PROS1: variants seen among roughly 807,000 people sequenced by gnomAD.
The protein encoded by PROS1 is vitamin K-dependent protein S.
Under a neutral mutation model 75.9 loss-of-function variants are expected in PROS1, and 29 were observed. The observed-to-expected ratio is 0.38, with a 90% confidence interval of 0.28 to 0.52. The LOEUF (loss-of-function observed/expected upper bound fraction) is 0.52, where lower values mean the gene tolerates loss of function less well. Ranked by LOEUF, PROS1 falls within the 20% of genes least tolerant of loss-of-function variation. The pLI is 0.83. For missense variants in PROS1, 680 were observed against 810.3 expected, an observed-to-expected ratio of 0.84 and a Z score of 1.95; for synonymous variants, 245 against 280.6, an observed-to-expected ratio of 0.87 and a Z score of 1.27.
chr3:93,937,599 C>A (rs1209710815), intron 1 of PROS1, among the ~76,000 whole-genome samples: 2 of 151,996 alleles, frequency 1.3e-5, no homozygotes, highest in African/African-American at 4.8e-5. Flanking sequence ...GATCTCCTGA[C>A]CTCGTGATCC....
At chr3:93,928,657 T>C (rs370870754) in intron 1 of PROS1, 2 of 778,228 alleles carry the variant, frequency 2.6e-6, no homozygotes, top group Non-Finnish European at 1.9e-6. Context: ...AAAAATAACA[T>C]AACAAAGTTC....
chr3:93,879,113 T>A (rs1266655598), intron 13 of PROS1, 50 bp downstream of exon 13: 4 of 1,545,372 alleles, frequency 2.6e-6, no homozygotes, highest in Non-Finnish European at 2.7e-6. Context: ...GTATACATTT[T>A]AAAAAATGAA....
At chr3:93,890,962 G>A (rs8178665) in intron 10 of PROS1, among the ~76,000 whole-genome samples, 386 of 152,078 alleles carry the variant, frequency 2.5e-3, no homozygotes, top group Non-Finnish European at 4.6e-3. Context: ...AAAACTACCT[G>A]GGCATGGTGT....
chr3:93,897,929 T>C (rs1305691764), intron 8 of PROS1, among the ~76,000 whole-genome samples: 4 of 152,096 alleles, frequency 2.6e-5, no homozygotes, highest in African/African-American at 9.7e-5. Flanking sequence ...CTCTGAATTA[T>C]GATATACTTA....
intron 12 of PROS1, among the ~76,000 whole-genome samples, chr3:93,883,352 C>T (rs940659838): frequency 6.6e-6 from 1 of 152,184 alleles, no homozygotes; most frequent in African/African-American, 2.4e-5. Context: ...GTAATCCCAG[C>T]ACTTAGAGAG....
chr3:93,893,603 G>A (rs765808462), intron 9 of PROS1, among the ~76,000 whole-genome samples: 24 of 151,976 alleles, frequency 1.6e-4, no homozygotes, highest in Admixed American at 1.2e-3. Flanking sequence ...CAATTTCATC[G>A]TTGGTTTATT....
chr3:93,900,036 A>G (rs2107160783), intron 7 of PROS1, among the ~76,000 whole-genome samples: 1 of 152,336 alleles, frequency 6.6e-6, no homozygotes, highest in East Asian at 1.9e-4. Flanking sequence ...CAATAGAAAA[A>G]TTAGTGTTGA....
At chr3:93,933,758 T>C (rs576657491) in intron 1 of PROS1, among the ~76,000 whole-genome samples, 53 of 152,194 alleles carry the variant, frequency 3.5e-4, no homozygotes, top group African/African-American at 1.0e-3. Flanking sequence ...ATGCAATCTC[T>C]ACTAAAAATA....
intron 2 of PROS1, 32 bp downstream of exon 2, chr3:93,927,218 G>A: frequency 3.1e-6 from 5 of 1,611,446 alleles, no homozygotes; most frequent in Non-Finnish European, 3.4e-6. Flanking sequence ...ATGTCTAGAT[G>A]TGTGAACTTG....
At chr3:93,950,397 C>T (rs1446007525) in intron 1 of PROS1, among the ~76,000 whole-genome samples, 1 of 152,334 alleles carries the variant, frequency 6.6e-6, no homozygotes, top group Admixed American at 6.5e-5. Flanking sequence ...AAGTGGGTCC[C>T]TGACCCCCAA....
chr3:93,946,661 TG>T (rs887324510), intron 1 of PROS1, among the ~76,000 whole-genome samples: 23 of 152,118 alleles, frequency 1.5e-4, no homozygotes, highest in African/African-American at 5.5e-4. Context: ...TAATTCAAGA[TG>T]GATTAAAGAC....
chr3:93,936,709 T>C (rs1709189689), intron 1 of PROS1, among the ~76,000 whole-genome samples: 1 of 152,204 alleles, frequency 6.6e-6, no homozygotes, highest in Admixed American at 6.5e-5. Flanking sequence ...TGTGTTGTTT[T>C]GTTGTAGCAG....
chr3:93,973,798 G>T lies in PROS1; in HGVS notation c.-49C>A, dbSNP rs768787371. The T allele has an allele frequency of 2.0e-6, 3 of 1,526,742 alleles. No homozygotes were observed. The highest frequency in any genetic ancestry group is 1.2e-5 in the South Asian group (1 of 86,176). The allele number at this position is 1,526,742 out of a possible 1,614,324, so 94.6% of individuals were successfully genotyped here. The stretch of plus-strand genomic sequence containing the variant: ...CAGGGACGGTGGCGCGTCGCGGCGG[G>T]GACCGGAGCGCTAGGCGCCGCGGAG... On this transcript the variant is annotated 5_prime_UTR_variant, in exon 1 of 15. Coordinates refer to ENST00000394236, the MANE Select transcript of PROS1 (RefSeq NM_000313.4).
At chr3:93,929,284 C>T (rs1226392240) in intron 1 of PROS1, among the ~76,000 whole-genome samples, 1 of 152,028 alleles carries the variant, frequency 6.6e-6, no homozygotes, top group Non-Finnish European at 1.5e-5. Flanking sequence ...TCAAGACCAG[C>T]CTGGATGACA....
intron 1 of PROS1, among the ~76,000 whole-genome samples, chr3:93,961,069 T>C (rs1709699748): frequency 6.6e-6 from 1 of 152,086 alleles, no homozygotes; most frequent in African/African-American, 2.4e-5. Flanking sequence ...CAATTCATGA[T>C]TCTAAAAAAG....
intron 13 of PROS1, among the ~76,000 whole-genome samples, chr3:93,877,845 G>A (rs748268542): frequency 2.0e-5 from 3 of 152,242 alleles, no homozygotes; most frequent in East Asian, 1.9e-4. Flanking sequence ...ATGGCATAGA[G>A]GAAAGTGATA....
At chr3:93,893,431 G>A (rs1708460451) in intron 9 of PROS1, among the ~76,000 whole-genome samples, 1 of 152,094 alleles carries the variant, frequency 6.6e-6, no homozygotes, top group Non-Finnish European at 1.5e-5. Flanking sequence ...TCCAAATGCT[G>A]AAATTAATAC....
intron 1 of PROS1, among the ~76,000 whole-genome samples, chr3:93,971,023 C>T (rs927660339): frequency 6.6e-6 from 1 of 151,496 alleles, no homozygotes; most frequent in African/African-American, 2.4e-5. Flanking sequence ...TTTTTTTAAT[C>T]GTCCTTAGCT....
chr3:93,946,938 C>A (rs1709411347), intron 1 of PROS1, among the ~76,000 whole-genome samples: 1 of 151,440 alleles, frequency 6.6e-6, no homozygotes, highest in Non-Finnish European at 1.5e-5. Context: ...GGCTAATATC[C>A]AGAATCTACA....
Sources: gnomAD v4.1 joint callset for allele counts (sites outside exome capture counted in the v4.1 genomes callset) on GRCh38, gnomAD v4.1.1 for gene constraint, MANE v1.5 for transcripts, NCBI Gene and HGNC (gene_info 2026-07-23, HGNC 2026-07-21) for gene names.